The following BMPR2 variants were observed in gnomAD, a reference collection of about 807,000 sequenced individuals.
BMPR2 encodes the protein bone morphogenetic protein receptor type-2.
In BMPR2, 29 loss-of-function variants were observed where a neutral mutation model predicts 100.8. The observed-to-expected ratio is 0.29, with a 90% CI of 0.21 to 0.39. BMPR2 has a LOEUF of 0.39. BMPR2 is among the 10% of genes least tolerant of loss of function. The pLI is 1.00. For synonymous variants in BMPR2, 382 were observed against 442.3 expected (o/e 0.86, Z 1.71); for missense variants, 1,011 against 1,274.5 (o/e 0.79, Z 3.15).
chr2:202,469,442 G>C (rs191206279), intron 3 of BMPR2: 1 of 278,086 alleles, frequency 3.6e-6, no homozygotes, highest in African/African-American at 2.2e-5. Context: ...CACAGTATAC[G>C]CAAACTGAAA....
At chr2:202,509,639 G>C (rs965367161) in intron 3 of BMPR2, among the ~76,000 whole-genome samples, 1 of 151,362 alleles carries the variant, frequency 6.6e-6, no homozygotes, top group African/African-American at 2.4e-5. Flanking sequence ...GGTTTTTCAG[G>C]TTTTTCCAAA....
At chr2:202,411,283 A>T (rs1346565049) in intron 1 of BMPR2, among the ~76,000 whole-genome samples, 1 of 152,236 alleles carries the variant, frequency 6.6e-6, no homozygotes, top group Non-Finnish European at 1.5e-5. Flanking sequence ...AAGTTTAAAG[A>T]TTAATTGGCT....
In BMPR2 at chr2:202,376,443, C is replaced by T. The variant is rs1347680603; in HGVS notation, c.-1032C>T. Among the ~76,000 whole-genome samples, 3 of 145,588 alleles carry T rather than the reference C, an allele frequency of 2.1e-5. No individual in the cohort carries two copies. The highest frequency in any genetic ancestry group is 2.1e-4 in the East Asian group (1 of 4,700). On this transcript the variant is annotated 5_prime_UTR_variant, in exon 1 of 13. Coordinates refer to ENST00000374580, the MANE Select transcript of BMPR2 (RefSeq NM_001204.7). ...TTCCCCGGCTACCTTCATCCGCCCTCCCGCCGCCCCCCGCCCTCGGTCCGC... is the reference window on the plus strand; with the variant it reads ...TTCCCCGGCTACCTTCATCCGCCCTTCCGCCGCCCCCCGCCCTCGGTCCGC...
intron 1 of BMPR2, among the ~76,000 whole-genome samples, chr2:202,408,508 G>A (rs1690948429): frequency 6.6e-6 from 1 of 152,196 alleles, no homozygotes; most frequent in African/African-American, 2.4e-5. Context: ...ACAAATCAAT[G>A]TGAACCATAG....
At chr2:202,394,364 G>GTAA (rs71031896) in intron 1 of BMPR2, among the ~76,000 whole-genome samples, 17,893 of 149,592 alleles carry the variant, frequency 0.12, 1,140 homozygotes, top group Admixed American at 0.14. Flanking sequence ...AAAAAAAAAA[G>GTAA]TAATAATAAT....
At position 202,559,849 on chromosome 2, in the gene BMPR2, G is replaced by T; in HGVS notation, c.3020G>T (p.Arg1007Met). The change falls in exon 13 of 13, where the codon AGG becomes ATG. Residue 1007 changes from arginine to methionine, a missense_variant. By Grantham distance (91) the Arg-to-Met change is moderately conservative (BLOSUM62 -1). Coordinates refer to ENST00000374580, the MANE Select transcript of BMPR2 (RefSeq NM_001204.7). ...GAAGTCAACAATAATGGCAGTAACA[G>T]GGCAGTTCATTCCAAATCCAGCACT... The part of the protein sequence containing the change: ...DCEVNNNGSN[R>M]AVHSKSSTAV... The T allele has an allele frequency of 6.2e-7, 1 of 1,614,114 alleles. No homozygotes were observed. The highest frequency in any genetic ancestry group is 8.5e-7 in the Non-Finnish European group (1 of 1,180,032).
Position 202,419,807 on chromosome 2 carries a change from A to G in BMPR2, c.76+42257A>G, listed in dbSNP as rs1691220469. 2.0e-5 allele frequency among the ~76,000 whole-genome samples: 3 copies of G among 152,288 alleles called. No individual in the cohort carries two copies. The East Asian group carries it at 5.8e-4, about 29-fold the overall frequency. ...CTTTAGCTTTTCACTACTCTTTACA[A>G]TGCTTTTCCCCGAAAAGCAATATGA... On this transcript the variant is annotated intron_variant, in intron 1 of 12. Coordinates refer to ENST00000374580, the MANE Select transcript of BMPR2 (RefSeq NM_001204.7).
intron 7 of BMPR2, among the ~76,000 whole-genome samples, chr2:202,525,313 G>A (rs1687889791): frequency 6.6e-6 from 1 of 151,958 alleles, no homozygotes; most frequent in African/African-American, 2.4e-5. Context: ...CCTGGTTCAA[G>A]CAATTCTCCT....
chr2:202,526,991 G>A (rs1382414992), intron 7 of BMPR2, among the ~76,000 whole-genome samples: 1 of 152,034 alleles, frequency 6.6e-6, no homozygotes, highest in Non-Finnish European at 1.5e-5. Context: ...AGCCTCCCAA[G>A]TAGCTGGGAT....
At position 202,437,773 on chromosome 2, in the gene BMPR2, C is replaced by G. The variant is rs1355753711; in HGVS notation, c.77-27036C>G. On this transcript the variant is annotated intron_variant, in intron 1 of 12. Coordinates refer to ENST00000374580, the MANE Select transcript of BMPR2 (RefSeq NM_001204.7). The stretch of plus-strand genomic sequence containing the variant: ...TCAGCATAATGTTTTCAGGGTCCAT[C>G]CATGTTGTAACATATATCCAGCACT... Among the ~76,000 whole-genome samples, 2 of 150,586 alleles carry G rather than the reference C, an allele frequency of 1.3e-5. 1 individual carries two copies. The highest frequency in any genetic ancestry group is 5.0e-5 in the African/African-American group (2 of 39,922).
intron 4 of BMPR2, among the ~76,000 whole-genome samples, chr2:202,514,286 A>T (rs1448995869): frequency 6.6e-6 from 1 of 151,888 alleles, no homozygotes; most frequent in African/African-American, 2.4e-5. Flanking sequence ...ACAGGTGCCC[A>T]CCTCCTCGCC....
chr2:202,555,591 C>G lies in BMPR2; in HGVS notation c.1926C>G (p.Thr642=). 6.2e-7 allele frequency: 1 copy of G among 1,614,062 alleles called. No individual in the cohort carries two copies. The highest frequency in any genetic ancestry group is 8.5e-7 in the Non-Finnish European group (1 of 1,180,006). Reference sequence around the variant, plus strand: ...ACCCAGATGAAACAAATCTGCATACCACAAATGTTGCACAGTCAATTGGGC... The same window carrying G: ...ACCCAGATGAAACAAATCTGCATACGACAAATGTTGCACAGTCAATTGGGC... The part of the protein sequence containing the change: ...MPYPDETNLH[T]TNVAQSIGPT... The change falls in exon 12 of 13, where the codon ACC becomes ACG. Residue 642 remains threonine, a synonymous_variant. Transcript: ENST00000374580.
intron 1 of BMPR2, among the ~76,000 whole-genome samples, chr2:202,448,536 A>G (rs890379163): frequency 7.3e-5 from 11 of 150,246 alleles, no homozygotes; most frequent in African/African-American, 2.7e-4. Context: ...GGCTCACTGC[A>G]GCCTCCTCCT....
chr2:202,382,181 T>C (rs536556719), intron 1 of BMPR2, among the ~76,000 whole-genome samples: 22 of 148,078 alleles, frequency 1.5e-4, no homozygotes, highest in African/African-American at 5.2e-4. Flanking sequence ...TGCCTCAGCC[T>C]CCCGAGTAGC....
At chr2:202,421,462 CT>C (rs11300022) in intron 1 of BMPR2, among the ~76,000 whole-genome samples, 69,734 of 140,634 alleles carry the variant, frequency 0.5, 17,510 homozygotes, top group African/African-American at 0.59. Context: ...CCGCCCCCAC[CT>C]TTTTTTTTTT....
chr2:202,416,842 T>C (rs1278684126), intron 1 of BMPR2, among the ~76,000 whole-genome samples: 1 of 141,652 alleles, frequency 7.1e-6, no homozygotes, highest in Non-Finnish European at 1.5e-5. Flanking sequence ...TTTCTTTTTC[T>C]TTTTTTTTTT....
intron 1 of BMPR2, among the ~76,000 whole-genome samples, chr2:202,434,531 TCAAA>T (rs1331674025): frequency 6.6e-6 from 1 of 150,426 alleles, no homozygotes; most frequent in Non-Finnish European, 1.5e-5. Flanking sequence ...ATTCCTGTCA[TCAAA>T]CAAGGGCAAT....
intron 1 of BMPR2, among the ~76,000 whole-genome samples, chr2:202,390,479 G>T (rs1489958484): frequency 6.6e-6 from 1 of 151,750 alleles, no homozygotes; most frequent in Non-Finnish European, 1.5e-5. Context: ...TTACAGGCAC[G>T]TGCCACCATG....
intron 9 of BMPR2, among the ~76,000 whole-genome samples, chr2:202,535,628 A>G (rs368053348): frequency 2.0e-5 from 3 of 148,334 alleles, no homozygotes; most frequent in East Asian, 4.1e-4. Context: ...GGGGCTCCTC[A>G]CATCCCAGAT....
Sources: allele counts gnomAD v4.1 joint callset (sites outside exome capture counted in the v4.1 genomes callset), GRCh38; gene constraint gnomAD v4.1.1; transcripts MANE v1.5; gene names NCBI Gene and HGNC (gene_info 2026-07-23, HGNC 2026-07-21).